TENM4: variants seen among roughly 807,000 people sequenced by gnomAD.
The protein encoded by TENM4 is teneurin transmembrane protein 4, also known as teneurin-4.
A neutral mutation model predicts 243.3 loss-of-function variants in TENM4; 82 were observed. That is an observed-to-expected ratio of 0.34 (90% CI 0.28 to 0.40). TENM4 has a LOEUF of 0.40. Ranked by LOEUF, TENM4 falls within the 10% of genes least tolerant of loss-of-function variation. The pLI is 1.00. For missense variants in TENM4, 3,138 were observed against 3,673.3 expected, an observed-to-expected ratio of 0.85 and a Z score of 3.77; for synonymous variants, 1,412 against 1,456.3, an observed-to-expected ratio of 0.97 and a Z score of 0.69.
At chr11:78,911,594 G>C (rs941149991) in intron 6 of TENM4, among the ~76,000 whole-genome samples, 1 of 152,226 alleles carries the variant, frequency 6.6e-6, no homozygotes, top group Non-Finnish European at 1.5e-5. Flanking sequence ...ATGGCATTTG[G>C]AGGTGGGGCC....
intron 2 of TENM4, among the ~76,000 whole-genome samples, chr11:79,224,525 A>G (rs1420945535): frequency 1.3e-5 from 2 of 152,132 alleles, no homozygotes; most frequent in Admixed American, 6.6e-5. Flanking sequence ...AAAAAAGAAA[A>G]TATGCTGGAG....
At chr11:79,132,167 C>G (rs1862016425) in intron 4 of TENM4, among the ~76,000 whole-genome samples, 1 of 151,266 alleles carries the variant, frequency 6.6e-6, no homozygotes, top group Non-Finnish European at 1.5e-5. Context: ...ACAGTGAAAC[C>G]CTGTCTCTAC....
intron 18 of TENM4, among the ~76,000 whole-genome samples, chr11:78,757,301 C>A (rs1856334127): frequency 6.6e-6 from 1 of 152,088 alleles, no homozygotes; most frequent in South Asian, 2.1e-4. Flanking sequence ...TGTATGAAGA[C>A]CCAGAAGTGA....
At chr11:79,391,944 A>T (rs2135542199) in intron 1 of TENM4, among the ~76,000 whole-genome samples, 1 of 137,724 alleles carries the variant, frequency 7.3e-6, no homozygotes, top group Middle Eastern at 3.8e-3. Flanking sequence ...TAGCCAAATG[A>T]TTTTTTATTT....
intron 1 of TENM4, among the ~76,000 whole-genome samples, chr11:79,336,197 T>C (rs1590888948): frequency 6.6e-6 from 1 of 151,910 alleles, no homozygotes; most frequent in South Asian, 2.1e-4. Flanking sequence ...TCTTGAGGGG[T>C]GGGAAGGAGG....
At chr11:79,298,197 T>A (rs988591439) in intron 1 of TENM4, among the ~76,000 whole-genome samples, 3 of 152,034 alleles carry the variant, frequency 2.0e-5, no homozygotes, top group Non-Finnish European at 2.9e-5. Flanking sequence ...AGTGAGCAAC[T>A]TTTGGAGCCC....
chr11:78,906,112 A>T (rs1346678397), intron 6 of TENM4, among the ~76,000 whole-genome samples: 2 of 152,224 alleles, frequency 1.3e-5, no homozygotes, highest in Non-Finnish European at 2.9e-5. Flanking sequence ...TGGTCCTAGG[A>T]GTCAACCTCA....
chr11:79,399,140 C>T (rs1858405759), intron 1 of TENM4, among the ~76,000 whole-genome samples: 2 of 152,162 alleles, frequency 1.3e-5, no homozygotes, highest in Non-Finnish European at 2.9e-5. Context: ...CCAGATCTCA[C>T]CCACCCAAAT....
intron 4 of TENM4, among the ~76,000 whole-genome samples, chr11:79,130,452 A>G (rs1484362777): frequency 6.9e-6 from 1 of 144,724 alleles, no homozygotes; most frequent in Non-Finnish European, 1.5e-5. Flanking sequence ...GAGGGACCAG[A>G]GAAAGGCAAA....
At chr11:79,409,983 C>T (rs930657595) in intron 1 of TENM4, among the ~76,000 whole-genome samples, 2 of 152,174 alleles carry the variant, frequency 1.3e-5, no homozygotes, top group Non-Finnish European at 2.9e-5. Context: ...TTGAGCCACA[C>T]TGGAAGAAGA....
intron 2 of TENM4, among the ~76,000 whole-genome samples, chr11:79,268,611 A>G (rs2135340333): frequency 6.6e-6 from 1 of 152,306 alleles, no homozygotes; most frequent in South Asian, 2.1e-4. Context: ...CAACACTATC[A>G]TGGTCATTTG....
rs7125187 is a variant in TENM4, at chr11:79,297,120, C to T, written c.-265+368G>A. Reference sequence around the variant, plus strand: ...CTAGTCCAGAGCTCTCTGTTCTTGACGTACCAAACAGTTGGGTCTATTGAA... The same window carrying T: ...CTAGTCCAGAGCTCTCTGTTCTTGATGTACCAAACAGTTGGGTCTATTGAA... On this transcript the variant is annotated intron_variant, in intron 2 of 33. Coordinates refer to ENST00000278550, the MANE Select transcript of TENM4 (RefSeq NM_001098816.3). Among the ~76,000 whole-genome samples the T allele has an allele frequency of 8.5e-4, 129 of 152,310 alleles. 2 individuals carry two copies. The highest frequency in any genetic ancestry group is 3.4e-3 in the Middle Eastern group (1 of 294).
chr11:79,408,103 C>T (rs142029357), intron 1 of TENM4, among the ~76,000 whole-genome samples: 1,591 of 152,228 alleles, frequency 0.01, 27 homozygotes, highest in African/African-American at 0.036. Context: ...ATGGTTTCAT[C>T]ATTTTGGCCA....
At position 78,658,858 on chromosome 11, in the gene TENM4, G is replaced by C. The variant is rs774373760; in HGVS notation, c.7552-42C>G. On this transcript the variant is annotated intron_variant, in intron 33 of 33. Transcript: ENST00000278550. ...GTGAGAGAGAGAGTAAGACAAAGGGGAAAAAACCCTGAGAACCTGGAGAAT... is the reference window on the plus strand; with the variant it reads ...GTGAGAGAGAGAGTAAGACAAAGGGCAAAAAACCCTGAGAACCTGGAGAAT... 10 of 1,564,882 alleles carry C rather than the reference G, an allele frequency of 6.4e-6. No individual in the cohort carries two copies. In the African/African-American group the frequency reaches 1.1e-4, roughly 17 times the overall value.
chr11:79,195,396 G>A (rs190264210), intron 3 of TENM4, among the ~76,000 whole-genome samples: 7 of 152,234 alleles, frequency 4.6e-5, no homozygotes, highest in East Asian at 1.9e-4. Context: ...TGCAAAAGCC[G>A]CAGAAATTCA....
At chr11:79,260,324 C>G (rs1391556891) in intron 2 of TENM4, among the ~76,000 whole-genome samples, 2 of 152,288 alleles carry the variant, frequency 1.3e-5, no homozygotes, top group Non-Finnish European at 2.9e-5. Context: ...TTAATTTCTA[C>G]CCCAGGATGC....
At chr11:79,405,372 A>G (rs2076015143) in intron 1 of TENM4, among the ~76,000 whole-genome samples, 1 of 152,026 alleles carries the variant, frequency 6.6e-6, no homozygotes, top group African/African-American at 2.4e-5. Flanking sequence ...GTCTCACATT[A>G]GTCAAGACAG....
Position 78,702,287 on chromosome 11 carries a change from G to A in TENM4, c.4326C>T (p.Ala1442=), listed in dbSNP as rs183078972. Residue 1442 remains alanine, a synonymous_variant, in exon 28 of 34, where the codon GCC becomes GCT. Coordinates refer to ENST00000278550, the MANE Select transcript of TENM4 (RefSeq NM_001098816.3). ...GGACCTGGCAGTGCATGGGCCTCCC[G>A]GCGACAATGCGCACCTGGTGGTTTT... ...ISENHQVRIV[A]GRPMHCQVPG... is the part of the protein sequence containing the mutation. 1,158 of 1,614,016 alleles carry A rather than the reference G, an allele frequency of 7.2e-4. 4 individuals are homozygous for A. The highest frequency in any genetic ancestry group is 7.0e-3 in the South Asian group (634 of 91,078).
chr11:79,374,165 G>A (rs192450231), intron 1 of TENM4, among the ~76,000 whole-genome samples: 3 of 152,222 alleles, frequency 2.0e-5, no homozygotes, highest in Admixed American at 2.0e-4. Flanking sequence ...TTTGAGGACC[G>A]AAATCTTCAA....
Sources: allele counts gnomAD v4.1 joint callset (sites outside exome capture counted in the v4.1 genomes callset), GRCh38; gene constraint gnomAD v4.1.1; transcripts MANE v1.5; gene names NCBI Gene and HGNC (gene_info 2026-07-23, HGNC 2026-07-21).